The following CNTNAP2 variants were observed in gnomAD, a reference collection of about 807,000 sequenced individuals.
CNTNAP2 encodes the protein contactin associated protein 2, also known as contactin-associated protein-like 2.
CNTNAP2 carries 98 observed loss-of-function variants against 155.2 expected under a neutral mutation model. That is an observed-to-expected ratio of 0.63 (90% CI 0.54 to 0.75). CNTNAP2 has a LOEUF of 0.75. CNTNAP2 is among the 30% of genes least tolerant of loss of function. The pLI is 0.00. For synonymous variants in CNTNAP2, 651 were observed against 631.2 expected, an observed-to-expected ratio of 1.03 and a Z score of -0.47; for missense variants, 1,727 against 1,688.1, an observed-to-expected ratio of 1.02 and a Z score of -0.40.
intron 12 of CNTNAP2, among the ~76,000 whole-genome samples, chr7:147,599,323 A>T (rs1800894116): frequency 6.6e-6 from 1 of 151,842 alleles, no homozygotes; most frequent in African/African-American, 2.4e-5. Flanking sequence ...CTAAAAAAAT[A>T]AAATAAAAAT....
intron 8 of CNTNAP2, among the ~76,000 whole-genome samples, chr7:147,171,274 C>T (rs1486437356): frequency 3.3e-5 from 5 of 152,280 alleles, no homozygotes; most frequent in Middle Eastern, 3.4e-3. Context: ...TTAGCATCTG[C>T]GTGTTTTCTT....
Position 147,191,039 on chromosome 7 carries a change from C to G in CNTNAP2, c.1348+58530C>G, listed in dbSNP as rs181306085. ...ACATATATATATTAGATGAAATACTCTAAATGAGAAAGAAAGAAAAGAAGA... is the reference window on the plus strand; with the variant it reads ...ACATATATATATTAGATGAAATACTGTAAATGAGAAAGAAAGAAAAGAAGA... On this transcript the variant is annotated intron_variant, in intron 8 of 23. Transcript: ENST00000361727. Among the ~76,000 whole-genome samples, 387 of 152,008 alleles carry G rather than the reference C, an allele frequency of 2.5e-3. 1 individual carries two copies. The highest frequency in any genetic ancestry group is 8.9e-3 in the African/African-American group (369 of 41,426).
intron 10 of CNTNAP2, among the ~76,000 whole-genome samples, chr7:147,402,536 T>C (rs1387930013): frequency 6.6e-6 from 1 of 152,170 alleles, no homozygotes; most frequent in Non-Finnish European, 1.5e-5. Flanking sequence ...ACCCCTCAGT[T>C]CTGGGTAAAT....
In CNTNAP2 at chr7:146,771,572, C is replaced by A. The variant is rs146875015; in HGVS notation, c.98-2699C>A. Among the ~76,000 whole-genome samples the A allele has an allele frequency of 1.5e-3, 233 of 152,192 alleles. 2 individuals are homozygous for A. The highest frequency in any genetic ancestry group is 5.3e-3 in the African/African-American group (221 of 41,532). On this transcript the variant is annotated intron_variant, in intron 1 of 23. Coordinates refer to ENST00000361727, the MANE Select transcript of CNTNAP2 (RefSeq NM_014141.6). ...TTTAAAACAAATTTTAAGTTCTTTTCATTCTTTTACATTTAACTTTCTGGG... is the reference window on the plus strand; with the variant it reads ...TTTAAAACAAATTTTAAGTTCTTTTAATTCTTTTACATTTAACTTTCTGGG...
rs1803661421 is a variant in CNTNAP2 at position 146,838,611 on chromosome 7, C to T, written c.209-1100C>T. Among the ~76,000 whole-genome samples the T allele has an allele frequency of 3.4e-5, 4 of 116,748 alleles. No individual in the cohort carries two copies. The South Asian group carries it at 9.9e-4, about 29-fold the overall frequency. The allele number at this position is 116,748 out of a possible 152,430, so 76.6% of individuals were successfully genotyped here. ...GGGATTACAGGCGTGAGCCACTGAG[C>T]CCAGTCAGTTATTTTATATATTTTT... On this transcript the variant is annotated intron_variant, in intron 2 of 23. Coordinates refer to ENST00000361727, the MANE Select transcript of CNTNAP2 (RefSeq NM_014141.6).
At chr7:148,398,354 C>T (rs557210135) in intron 22 of CNTNAP2, among the ~76,000 whole-genome samples, 6 of 152,180 alleles carry the variant, frequency 3.9e-5, no homozygotes, top group Admixed American at 2.6e-4. Flanking sequence ...GTCCACAGAG[C>T]ACAGAAGCAC....
At chr7:148,229,927 T>A in intron 20 of CNTNAP2, 148 bp downstream of exon 20, 1 of 824,624 alleles carries the variant, frequency 1.2e-6, no homozygotes, top group Non-Finnish European at 1.9e-6. Context: ...ACTAGTGAAG[T>A]AGAAATATAT....
chr7:147,293,223 G>T (rs562063764), intron 8 of CNTNAP2, among the ~76,000 whole-genome samples: 7 of 152,184 alleles, frequency 4.6e-5, no homozygotes, highest in Admixed American at 4.6e-4. Flanking sequence ...AAGGCATTTG[G>T]CAGTTTCTTT....
rs1284305154 is a variant in CNTNAP2, at chr7:146,800,052, T to C, written c.208+25671T>C. Among the ~76,000 whole-genome samples the C allele has an allele frequency of 2.0e-5, 3 of 152,118 alleles. 1 individual carries two copies. The highest frequency in any genetic ancestry group is 4.4e-5 in the Non-Finnish European group (3 of 68,022). On this transcript the variant is annotated intron_variant, in intron 2 of 23. Transcript: ENST00000361727. ...TGGACTCAGTTCTAATTCTGAATAG[T>C]AGGGAATGCATTTGGAATTATTAGT...
chr7:147,091,691 C>T (rs1357513808), intron 4 of CNTNAP2, among the ~76,000 whole-genome samples: 9 of 151,896 alleles, frequency 5.9e-5, no homozygotes, highest in South Asian at 2.1e-4. Context: ...CTGCAAGCTC[C>T]GCCTCCCAGG....
chr7:146,941,761 G>A (rs1797061760), intron 3 of CNTNAP2, among the ~76,000 whole-genome samples: 1 of 151,658 alleles, frequency 6.6e-6, no homozygotes, highest in Admixed American at 6.6e-5. Context: ...TCCTGGGTAT[G>A]CTACTCTTGG....
chr7:146,929,508 T>C (rs1585163376), intron 3 of CNTNAP2, among the ~76,000 whole-genome samples: 1 of 151,992 alleles, frequency 6.6e-6, no homozygotes, highest in African/African-American at 2.4e-5. Flanking sequence ...GCAGAAAAAC[T>C]GGAAACTCTG....
chr7:147,765,771 C>T (rs772737533), intron 13 of CNTNAP2, among the ~76,000 whole-genome samples: 2 of 152,122 alleles, frequency 1.3e-5, no homozygotes, highest in Non-Finnish European at 2.9e-5. Context: ...CACATAAGAA[C>T]TTGCTTAATT....
intron 1 of CNTNAP2, among the ~76,000 whole-genome samples, chr7:146,692,555 G>A (rs1042710449): frequency 6.6e-6 from 1 of 152,114 alleles, no homozygotes; most frequent in Non-Finnish European, 1.5e-5. Context: ...GGATGAAAAT[G>A]ACCATTTTGA....
At chr7:146,391,747 G>GT (rs1267973874) in intron 1 of CNTNAP2, among the ~76,000 whole-genome samples, 5 of 146,396 alleles carry the variant, frequency 3.4e-5, no homozygotes, top group Non-Finnish European at 7.5e-5. Flanking sequence ...AAAGAACACG[G>GT]TTTTTGTTGT....
chr7:146,972,948 T>C (rs1030669453), intron 3 of CNTNAP2, among the ~76,000 whole-genome samples: 4 of 152,194 alleles, frequency 2.6e-5, no homozygotes, highest in Non-Finnish European at 4.4e-5. Context: ...CCATAGCAAC[T>C]GGTCACATGT....
At chr7:147,199,773 T>A (rs766295501) in intron 8 of CNTNAP2, among the ~76,000 whole-genome samples, 4 of 152,118 alleles carry the variant, frequency 2.6e-5, no homozygotes, top group Non-Finnish European at 5.9e-5. Context: ...TACAGAAACA[T>A]CTAGGAAAGC....
At chr7:147,511,122 T>C (rs1219839837) in intron 11 of CNTNAP2, among the ~76,000 whole-genome samples, 1 of 151,970 alleles carries the variant, frequency 6.6e-6, no homozygotes, top group Non-Finnish European at 1.5e-5. Flanking sequence ...CCCACTGTTC[T>C]GAAGCAGCCA....
chr7:147,601,636 T>TAAA (rs370619019), intron 12 of CNTNAP2, among the ~76,000 whole-genome samples: 3,810 of 68,868 alleles, frequency 0.055, 107 homozygotes, highest in East Asian at 0.17. Context: ...CATTGACTCT[T>TAAA]AAAAAAAAAT....
Sources: gnomAD v4.1 joint callset for allele counts (sites outside exome capture counted in the v4.1 genomes callset) on GRCh38, gnomAD v4.1.1 for gene constraint, MANE v1.5 for transcripts, NCBI Gene and HGNC (gene_info 2026-07-23, HGNC 2026-07-21) for gene names.